MTTP: variants seen among roughly 807,000 people sequenced by gnomAD.
MTTP encodes the protein microsomal triglyceride transfer protein.
Under a neutral mutation model 90.6 loss-of-function variants are expected in MTTP, and 49 were observed. The ratio of observed to expected loss-of-function variants is 0.54; its 90% CI spans 0.43 to 0.69. MTTP has a LOEUF of 0.69. Ranked by LOEUF, MTTP falls within the 30% of genes least tolerant of loss-of-function variation. MTTP has a pLI of 0.00. For synonymous variants in MTTP, 347 were observed against 384.2 expected, an observed-to-expected ratio of 0.90 and a Z score of 1.13; for missense variants, 945 against 1,067.5, an observed-to-expected ratio of 0.89 and a Z score of 1.60.
rs267599962 is a variant in MTTP at position 99,591,288 on chromosome 4, G to A, written c.555G>A (p.Val185=). The A allele has an allele frequency of 5.0e-6, 8 of 1,613,902 alleles. No individual in the cohort carries two copies. The highest frequency in any genetic ancestry group is 4.2e-6 in the Non-Finnish European group (5 of 1,179,956). The change falls in exon 5 of 18, where the codon GTG becomes GTA. Residue 185 remains valine, a synonymous_variant. Coordinates refer to ENST00000265517, the MANE Select transcript of MTTP (RefSeq NM_001386140.1). ...KVTYQAHQDK[V]IKIKALDSCK... The stretch of plus-strand genomic sequence containing the variant: ...CCTACCAGGCTCATCAAGACAAAGT[G>A]ATCAAAATTAAGGCCTTGGATTCAT...
intron 16 of MTTP, among the ~76,000 whole-genome samples, chr4:99,619,902 C>G (rs1726187633): frequency 6.6e-6 from 1 of 152,172 alleles, no homozygotes. Flanking sequence ...CACAATATAA[C>G]TTAGGGCTTC....
At chr4:99,604,711 A>C (rs1414785708) in intron 10 of MTTP, among the ~76,000 whole-genome samples, 1 of 152,090 alleles carries the variant, frequency 6.6e-6, no homozygotes, top group Non-Finnish European at 1.5e-5. Context: ...TGCTATCTCT[A>C]ATTCTAATTC....
rs1029718164 is a variant in MTTP at position 99,609,081 on chromosome 4, C to T, written c.1769+104C>T. The stretch of plus-strand genomic sequence containing the variant: ...ATGATGTGGTCATTATGCAGGGTTA[C>T]GTTGCATAAAACCAAAGAGTGCCAG... On this transcript the variant is annotated intron_variant, in intron 12 of 17. Coordinates refer to ENST00000265517, the MANE Select transcript of MTTP (RefSeq NM_001386140.1). 39 of 1,169,510 alleles carry T rather than the reference C, an allele frequency of 3.3e-5. 1 individual carries two copies. The highest frequency in any genetic ancestry group is 2.9e-4 in the East Asian group (12 of 41,840). 72.4% of individuals were successfully genotyped at this position (1,169,510 alleles called of 1,614,324 possible).
chr4:99,600,769 A>G (rs1345525386), intron 9 of MTTP, 36 bp downstream of exon 9: 5 of 1,595,616 alleles, frequency 3.1e-6, no homozygotes, highest in Non-Finnish European at 3.4e-6. Context: ...CTCAACTCCT[A>G]TAAAACTTCT....
At chr4:99,592,537 T>A (rs114505328) in intron 6 of MTTP, among the ~76,000 whole-genome samples, 15,853 of 151,600 alleles carry the variant, frequency 0.1, 993 homozygotes, top group Middle Eastern at 0.2. Context: ...TTTATTTTTT[T>A]CTTTTAAAAA....
chr4:99,564,524 C>A, intron 1 of MTTP: 1 of 329,152 alleles, frequency 3.0e-6, no homozygotes, highest in Non-Finnish European at 5.6e-6. Flanking sequence ...TTTATTCATT[C>A]CTTGAGCTAT....
intron 1 of MTTP, among the ~76,000 whole-genome samples, chr4:99,565,720 C>T (rs1321663277): frequency 1.3e-5 from 2 of 152,114 alleles, no homozygotes; most frequent in Non-Finnish European, 2.9e-5. Flanking sequence ...CTAAATGCTC[C>T]TTGAGGCAGA....
chr4:99,609,747 G>C (rs897134098), intron 12 of MTTP, among the ~76,000 whole-genome samples: 1 of 152,028 alleles, frequency 6.6e-6, no homozygotes, highest in Admixed American at 6.6e-5. Flanking sequence ...ACTGAAGGAA[G>C]ACATAAGAAA....
At chr4:99,585,899 A>G (rs1178085064) in intron 3 of MTTP, among the ~76,000 whole-genome samples, 2 of 152,164 alleles carry the variant, frequency 1.3e-5, no homozygotes, top group African/African-American at 4.8e-5. Flanking sequence ...GCCAACAGGA[A>G]GTTTTGGCCA....
chr4:99,574,989 T>C lies in MTTP; in HGVS notation c.61+19T>C. 1 of 1,613,600 alleles carries C rather than the reference T, an allele frequency of 6.2e-7. No individual in the cohort carries two copies. The highest frequency in any genetic ancestry group is 1.7e-4 in the Middle Eastern group (1 of 5,860). ...GTTAAAGGTAAGTTTGTGTTGCCTT[T>C]TGCTAAACTTTAATTTCCATCTTTG... is the stretch of plus-strand genomic sequence containing the variant. On this transcript the variant is annotated intron_variant, in intron 1 of 17. Transcript: ENST00000265517.
intron 1 of MTTP, among the ~76,000 whole-genome samples, chr4:99,579,414 CG>C (rs148727248): frequency 0.015 from 2,358 of 152,200 alleles, 25 homozygotes; most frequent in Non-Finnish European, 0.023. Context: ...GAGCCCTCCT[CG>C]GGGCCTTTGC....
At position 99,612,935 on chromosome 4, in the gene MTTP, T is replaced by G; in HGVS notation, c.2012T>G (p.Leu671Arg). Residue 671 changes from leucine (L) to arginine (R), a missense_variant, in exon 15 of 18, where the codon CTG becomes CGG. By Grantham distance (102) the Leu-to-Arg change is moderately radical. Coordinates refer to ENST00000265517, the MANE Select transcript of MTTP (RefSeq NM_001386140.1). ...CAGGTGGTTATTGAAGCCCAAGGACTGGAAGCCTTAATCGCAGCCACCCCT... is the reference window on the plus strand; with the variant it reads ...CAGGTGGTTATTGAAGCCCAAGGACGGGAAGCCTTAATCGCAGCCACCCCT... ...GSQVVIEAQG[L>R]EALIAATPDE... 1 of 1,614,042 alleles carries G rather than the reference T, an allele frequency of 6.2e-7. No individual in the cohort carries two copies.
At chr4:99,621,290 A>G (rs1279071471) in intron 17 of MTTP, 59 bp downstream of exon 17, 6 of 1,567,156 alleles carry the variant, frequency 3.8e-6, no homozygotes, top group Non-Finnish European at 5.3e-6. Flanking sequence ...AGGAACTTGC[A>G]TTCAGTTTAG....
At position 99,619,010 on chromosome 4, in the gene MTTP, G is replaced by T; in HGVS notation, c.2254G>T (p.Glu752Ter). ...QLQSGLKANIEVQGGLAIDIS... is the reference protein window; with the variant it reads ...QLQSGLKANI ...ACAATCTGGACTAAAAGCCAATATA[G>T]AGGTCCAGGGTGGTCTAGCTATTGA... Residue 752 changes from glutamate to a stop codon, truncating the protein, a stop_gained, in exon 16 of 18, where the codon GAG becomes TAG. Transcript: ENST00000265517. LOFTEE classifies it high-confidence loss of function. 4 of 1,613,452 alleles carry T rather than the reference G, an allele frequency of 2.5e-6. No homozygotes were observed. Among genetic ancestry groups the T allele is most frequent in the South Asian group, 1.1e-5 (1 of 91,068 alleles).
At chr4:99,583,025 C>T (rs576810581) in intron 2 of MTTP, among the ~76,000 whole-genome samples, 4 of 151,964 alleles carry the variant, frequency 2.6e-5, no homozygotes, top group Non-Finnish European at 5.9e-5. Flanking sequence ...GGGGTCCTTT[C>T]CAACAAGTGG....
At chr4:99,598,000 G>A (rs1725599448) in intron 8 of MTTP, among the ~76,000 whole-genome samples, 1 of 152,114 alleles carries the variant, frequency 6.6e-6, no homozygotes, top group Non-Finnish European at 1.5e-5. Context: ...AATTAGCCAA[G>A]TTACACACAC....
chr4:99,591,378 G>A lies in MTTP; in HGVS notation c.618+27G>A. On this transcript the variant is annotated intron_variant, in intron 5 of 17. Coordinates refer to ENST00000265517, the MANE Select transcript of MTTP (RefSeq NM_001386140.1). ...TATGATAGATGTCACTTTCTTTGAG[G>A]CATTAAAATAATTACATTTTGTAGA... The A allele has an allele frequency of 2.0e-6, 3 of 1,464,430 alleles. No homozygotes were observed. The South Asian group carries it at 3.4e-5, about 17-fold the overall frequency. The allele number at this position is 1,464,430 out of a possible 1,614,324, so 90.7% of individuals were successfully genotyped here. A position where few individuals can be genotyped will look rare whatever the true frequency, so the allele number is the denominator to read the frequency against.
At chr4:99,566,240 G>C (rs1201900319) in intron 1 of MTTP, among the ~76,000 whole-genome samples, 1 of 140,154 alleles carries the variant, frequency 7.1e-6, no homozygotes, top group Non-Finnish European at 1.5e-5. Flanking sequence ...GGTGAGGCGA[G>C]ATCCTGCCAC....
chr4:99,583,877 A>G (rs1725189469), intron 3 of MTTP: 2 of 411,320 alleles, frequency 4.9e-6, no homozygotes, highest in Non-Finnish European at 8.7e-6. Flanking sequence ...AATTCAGGAA[A>G]GGAGACAAAT....
Sources: allele counts gnomAD v4.1 joint callset (sites outside exome capture counted in the v4.1 genomes callset), GRCh38; gene constraint gnomAD v4.1.1; transcripts MANE v1.5; gene names NCBI Gene and HGNC (gene_info 2026-07-23, HGNC 2026-07-21).